Variants in NPAS3 observed in about 807,000 individuals in gnomAD.
NPAS3 encodes the protein neuronal PAS domain protein 3, also known as neuronal PAS domain-containing protein 3.
NPAS3 carries 14 observed loss-of-function variants against 73.1 expected under a neutral mutation model. The observed-to-expected ratio is 0.19, with a 90% CI of 0.13 to 0.30. The LOEUF (loss-of-function observed/expected upper bound fraction) is 0.30. NPAS3 is among the 10% of genes least tolerant of loss of function. The pLI is 1.00. For synonymous variants in NPAS3, 620 were observed against 541.5 expected (o/e 1.14, Z -2.01); for missense variants, 1,096 against 1,250.0 (o/e 0.88, Z 1.86).
chr14:33,246,905 T>C (rs1322698937), intron 3 of NPAS3, among the ~76,000 whole-genome samples: 2 of 143,944 alleles, frequency 1.4e-5, no homozygotes, highest in Non-Finnish European at 3.0e-5. Context: ...TCCCAGCTAC[T>C]TGGGAGGCTG....
At chr14:33,166,766 A>C (rs1341477758) in intron 2 of NPAS3, among the ~76,000 whole-genome samples, 1 of 152,196 alleles carries the variant, frequency 6.6e-6, no homozygotes, top group Non-Finnish European at 1.5e-5. Flanking sequence ...ATTCTGCCTC[A>C]CTGATGAATT....
chr14:33,770,581 TAAAG>T (rs1270048696), intron 7 of NPAS3, among the ~76,000 whole-genome samples: 2 of 152,140 alleles, frequency 1.3e-5, no homozygotes, highest in Admixed American at 6.5e-5. Flanking sequence ...TCTTAGAAAC[TAAAG>T]AACCAGGAAA....
chr14:33,154,632 G>A (rs1472138692), intron 2 of NPAS3, among the ~76,000 whole-genome samples: 2 of 152,168 alleles, frequency 1.3e-5, no homozygotes, highest in Non-Finnish European at 2.9e-5. Context: ...GTCCCATGTA[G>A]AGATAATAAA....
chr14:33,741,990 T>C (rs2061666433), intron 7 of NPAS3, among the ~76,000 whole-genome samples: 1 of 152,118 alleles, frequency 6.6e-6, no homozygotes, highest in Non-Finnish European at 1.5e-5. Context: ...TAACAAACTT[T>C]CCTATATATA....
At chr14:33,784,814 G>A (rs1298122961) in intron 9 of NPAS3, among the ~76,000 whole-genome samples, 3 of 128,418 alleles carry the variant, frequency 2.3e-5, no homozygotes, top group Admixed American at 8.7e-5. Context: ...ACAATGGCAC[G>A]ATCTCGGCTC....
At chr14:33,778,057 T>A (rs1406724397) in intron 8 of NPAS3, among the ~76,000 whole-genome samples, 1 of 152,250 alleles carries the variant, frequency 6.6e-6, no homozygotes, top group Non-Finnish European at 1.5e-5. Context: ...ACCAATCTGT[T>A]TAAATGAAAG....
chr14:33,327,638 C>A (rs2043771492), intron 3 of NPAS3, among the ~76,000 whole-genome samples: 1 of 152,100 alleles, frequency 6.6e-6, no homozygotes, highest in Non-Finnish European at 1.5e-5. Context: ...GATATTATTT[C>A]CAACTAGGAA....
At chr14:33,288,350 C>G (rs1477955418) in intron 3 of NPAS3, among the ~76,000 whole-genome samples, 1 of 152,100 alleles carries the variant, frequency 6.6e-6, no homozygotes. Context: ...TTTTCCAAGA[C>G]TTTCATATTT....
chr14:33,619,606 C>T (rs756476681), intron 5 of NPAS3, among the ~76,000 whole-genome samples: 2 of 152,196 alleles, frequency 1.3e-5, no homozygotes, highest in East Asian at 1.9e-4. Context: ...CGTGCACACA[C>T]GTGCTCTTTT....
At chr14:33,709,352 G>T (rs1247037090) in intron 6 of NPAS3, among the ~76,000 whole-genome samples, 1 of 152,146 alleles carries the variant, frequency 6.6e-6, no homozygotes, top group East Asian at 1.9e-4. Flanking sequence ...GAAGGCTGAT[G>T]AATAATATCA....
intron 3 of NPAS3, among the ~76,000 whole-genome samples, chr14:33,276,477 A>T (rs2041339953): frequency 6.6e-6 from 1 of 152,142 alleles, no homozygotes; most frequent in South Asian, 2.1e-4. Flanking sequence ...ATTTTTAATA[A>T]TGGTGTCCCA....
intron 4 of NPAS3, among the ~76,000 whole-genome samples, chr14:33,368,967 T>C (rs2045960702): frequency 6.6e-6 from 1 of 152,194 alleles, no homozygotes; most frequent in African/African-American, 2.4e-5. Context: ...TAGATTATTA[T>C]CTTCTTAATT....
chr14:33,526,092 T>C (rs2053789327), intron 4 of NPAS3, among the ~76,000 whole-genome samples: 1 of 152,138 alleles, frequency 6.6e-6, no homozygotes, highest in Non-Finnish European at 1.5e-5. Flanking sequence ...CAATTTGACG[T>C]AATTTTCCAT....
At chr14:33,071,351 T>C (rs1404729400) in intron 2 of NPAS3, among the ~76,000 whole-genome samples, 1 of 152,232 alleles carries the variant, frequency 6.6e-6, no homozygotes, top group Non-Finnish European at 1.5e-5. Context: ...ATGATTACGC[T>C]GCTTATGCAT....
At chr14:33,319,462 G>A (rs549754071) in intron 3 of NPAS3, among the ~76,000 whole-genome samples, 65 of 152,238 alleles carry the variant, frequency 4.3e-4, no homozygotes, top group African/African-American at 1.5e-3. Context: ...TGGCGAGTAA[G>A]AGACAGCCCC....
chr14:33,673,945 A>C (rs763807006), intron 5 of NPAS3, among the ~76,000 whole-genome samples: 1 of 152,172 alleles, frequency 6.6e-6, no homozygotes, highest in Non-Finnish European at 1.5e-5. Flanking sequence ...TATAAACACT[A>C]TGATAGTGTC....
At chr14:33,511,534 T>A (rs1378153680) in intron 4 of NPAS3, among the ~76,000 whole-genome samples, 1 of 152,076 alleles carries the variant, frequency 6.6e-6, no homozygotes, top group Non-Finnish European at 1.5e-5. Flanking sequence ...TTTGGTGACA[T>A]TTTTGGCATG....
intron 4 of NPAS3, among the ~76,000 whole-genome samples, chr14:33,475,315 A>G (rs549774747): frequency 3.3e-5 from 5 of 152,296 alleles, no homozygotes; most frequent in African/African-American, 1.2e-4. Context: ...TTGTGTTTGG[A>G]TACTTGACAT....
At chr14:32,939,937 G>C (rs570060736) in intron 1 of NPAS3, among the ~76,000 whole-genome samples, 1 of 152,248 alleles carries the variant, frequency 6.6e-6, no homozygotes, top group East Asian at 1.9e-4. Context: ...CAGCTAGGCC[G>C]GGCCGAGCCC....
Sources: gnomAD v4.1 joint callset for allele counts (sites outside exome capture counted in the v4.1 genomes callset) on GRCh38, gnomAD v4.1.1 for gene constraint, MANE v1.5 for transcripts, NCBI Gene and HGNC (gene_info 2026-07-23, HGNC 2026-07-21) for gene names.